The following HTR2A variants were observed in gnomAD, a reference collection of about 807,000 sequenced individuals.
The protein encoded by HTR2A is 5-hydroxytryptamine receptor 2A, also known as 5-HT2 receptor.
In HTR2A, 14 loss-of-function variants were observed where a neutral mutation model predicts 31.0. That is an observed-to-expected ratio of 0.45 (90% CI 0.30 to 0.71). The LOEUF (loss-of-function observed/expected upper bound fraction) is 0.71, where lower values mean the gene tolerates loss of function less well. Ranked by LOEUF, HTR2A falls within the 30% of genes least tolerant of loss-of-function variation. The pLI is 0.09. For missense variants in HTR2A, 442 were observed against 573.3 expected (o/e 0.77, Z 2.34); for synonymous variants, 209 against 225.2 (o/e 0.93, Z 0.64).
intron 3 of HTR2A, among the ~76,000 whole-genome samples, chr13:46,887,296 G>T (rs918078153): frequency 1.4e-4 from 21 of 151,850 alleles, no homozygotes; most frequent in Admixed American, 1.2e-3. Flanking sequence ...GGTGGCGGGC[G>T]CCTGTAGTCC....
Position 46,896,864 on chromosome 13 carries a change from G to A in HTR2A, c.-519C>T. The stretch of plus-strand genomic sequence containing the variant: ...AGCTGAGCCAGCTCCCGCACTGCTA[G>A]GATCCTGTTGGCTTCCTCTGGCACG... On this transcript the variant is annotated 5_prime_UTR_variant, in exon 1 of 4. Transcript: ENST00000542664. 1 of 1,533,008 alleles carries A rather than the reference G, an allele frequency of 6.5e-7. No homozygotes were observed. Among genetic ancestry groups the A allele is most frequent in the Non-Finnish European group, 8.7e-7 (1 of 1,144,948 alleles). 95.0% of individuals were successfully genotyped at this position (1,533,008 alleles called of 1,614,324 possible).
chr13:46,837,950 T>A (rs979432997), intron 3 of HTR2A, among the ~76,000 whole-genome samples: 1 of 152,228 alleles, frequency 6.6e-6, no homozygotes, highest in Admixed American at 6.5e-5. Context: ...TTGTGGCTAA[T>A]GACTCTTCAT....
intron 3 of HTR2A, among the ~76,000 whole-genome samples, chr13:46,853,426 G>A (rs1454574356): frequency 6.6e-6 from 1 of 152,192 alleles, no homozygotes; most frequent in East Asian, 1.9e-4. Flanking sequence ...TTCCCTTGCT[G>A]TGTGCTCTCA....
intron 3 of HTR2A, among the ~76,000 whole-genome samples, chr13:46,883,118 G>A (rs1295806283): frequency 6.6e-6 from 1 of 152,178 alleles, no homozygotes; most frequent in Admixed American, 6.5e-5. Flanking sequence ...AACATGAAGC[G>A]ATGCTAAAAC....
chr13:46,897,385 G>A (rs1951113055), upstream of HTR2A, among the ~76,000 whole-genome samples: 1 of 152,176 alleles, frequency 6.6e-6, no homozygotes, highest in Non-Finnish European at 1.5e-5. Context: ...GTCCAGAGTG[G>A]AATTACTGAC....
intron 3 of HTR2A, among the ~76,000 whole-genome samples, chr13:46,888,458 C>A: frequency 8.8e-6 from 1 of 113,752 alleles, no homozygotes; most frequent in African/African-American, 3.5e-5. Context: ...GATTTGCCAC[C>A]TATGAAGTGC....
At chr13:46,884,895 T>C (rs1402584273) in intron 3 of HTR2A, among the ~76,000 whole-genome samples, 2 of 152,110 alleles carry the variant, frequency 1.3e-5, no homozygotes, top group Non-Finnish European at 2.9e-5. Context: ...GCTCACACCA[T>C]GCATACCACT....
Position 46,896,911 on chromosome 13 carries a change from C to T in HTR2A, c.-566G>A, listed in dbSNP as rs1309261364. ...CACGGCTCGGCTGGGTTCCTCCCTC[C>T]CTGTGCGGCTCGCCTCAGCAGGCAC... On this transcript the variant is annotated 5_prime_UTR_variant, in exon 1 of 4. Coordinates refer to ENST00000542664, the MANE Select transcript of HTR2A (RefSeq NM_000621.5). The T allele has an allele frequency of 8.0e-7, 1 of 1,248,026 alleles. No homozygotes were observed. The allele number at this position is 1,248,026 out of a possible 1,614,324, so 77.3% of individuals were successfully genotyped here. A position where few individuals can be genotyped will look rare whatever the true frequency, so the allele number is the denominator to read the frequency against.
At position 46,859,763 on chromosome 13, in the gene HTR2A, G is replaced by A. The variant is rs1040228298; in HGVS notation, c.614-24124C>T. 9.9e-5 allele frequency among the ~76,000 whole-genome samples: 15 copies of A among 152,092 alleles called. No homozygotes were observed. The South Asian group carries it at 1.2e-3, about 13-fold the overall frequency. On this transcript the variant is annotated intron_variant, in intron 3 of 3. Transcript: ENST00000542664. ...TGCAGAACCGTGAGCCGATTAAACC[G>A]CTTTTCTTTATAAATTACCCAGCCT...
intron 3 of HTR2A, among the ~76,000 whole-genome samples, chr13:46,845,475 T>C (rs1192425629): frequency 6.6e-6 from 1 of 152,034 alleles, no homozygotes; most frequent in Non-Finnish European, 1.5e-5. Context: ...ATTGAGCAGG[T>C]CCTCTATCTA....
chr13:46,864,155 T>A (rs752498143), intron 3 of HTR2A, among the ~76,000 whole-genome samples: 13 of 151,950 alleles, frequency 8.6e-5, no homozygotes, highest in Non-Finnish European at 1.9e-4. Context: ...TTAGCAAAAC[T>A]AAACTATACA....
At chr13:46,872,626 C>T (rs530851494) in intron 3 of HTR2A, among the ~76,000 whole-genome samples, 13 of 152,166 alleles carry the variant, frequency 8.5e-5, no homozygotes, top group Admixed American at 6.5e-4. Flanking sequence ...AACAAGTGTA[C>T]GTGCAAAAAG....
chr13:46,876,398 ATATATATTTTT>A (rs1229224709), intron 3 of HTR2A, among the ~76,000 whole-genome samples: 3 of 97,006 alleles, frequency 3.1e-5, no homozygotes, highest in East Asian at 3.0e-4. Context: ...ATATATATAT[ATATATATTTTT>A]TTTTTTTTTT....
At chr13:46,865,335 C>T (rs553908403) in intron 3 of HTR2A, among the ~76,000 whole-genome samples, 3 of 152,260 alleles carry the variant, frequency 2.0e-5, no homozygotes, top group African/African-American at 7.2e-5. Flanking sequence ...AGAGGCTGAG[C>T]TGTTAGGGAT....
chr13:46,858,683 G>C (rs1450016875), intron 3 of HTR2A, among the ~76,000 whole-genome samples: 2 of 152,158 alleles, frequency 1.3e-5, no homozygotes, highest in African/African-American at 4.8e-5. Flanking sequence ...AACTAAGGCT[G>C]AACAGAGAGG....
intron 2 of HTR2A, among the ~76,000 whole-genome samples, chr13:46,894,625 C>T (rs1951086614): frequency 6.6e-6 from 1 of 152,214 alleles, no homozygotes. Flanking sequence ...CATAACCTGT[C>T]TCTAAGCTCT....
chr13:46,836,370 C>A (rs1876453614), intron 3 of HTR2A, among the ~76,000 whole-genome samples: 1 of 152,108 alleles, frequency 6.6e-6, no homozygotes, highest in Non-Finnish European at 1.5e-5. Flanking sequence ...TGCATCATTT[C>A]TTCTTCCACT....
intron 3 of HTR2A, among the ~76,000 whole-genome samples, chr13:46,867,170 A>G (rs1361226777): frequency 6.6e-6 from 1 of 152,222 alleles, no homozygotes; most frequent in African/African-American, 2.4e-5. Flanking sequence ...AAATAAGGCA[A>G]GTACCTATCT....
At chr13:46,875,066 A>G (rs1483128609) in intron 3 of HTR2A, among the ~76,000 whole-genome samples, 1 of 152,238 alleles carries the variant, frequency 6.6e-6, no homozygotes, top group East Asian at 1.9e-4. Flanking sequence ...GAGTAGACAG[A>G]CCTTTGATTT....
Sources: allele counts gnomAD v4.1 joint callset (sites outside exome capture counted in the v4.1 genomes callset), GRCh38; gene constraint gnomAD v4.1.1; transcripts MANE v1.5; gene names NCBI Gene and HGNC (gene_info 2026-07-23, HGNC 2026-07-21).